The following FER variants were observed in gnomAD, a reference collection of about 807,000 sequenced individuals.
The protein encoded by FER is FER tyrosine kinase, also known as tyrosine-protein kinase Fer.
FER carries 63 observed loss-of-function variants against 111.0 expected under a neutral mutation model. The observed-to-expected ratio is 0.57, with a 90% CI of 0.46 to 0.70. The LOEUF (loss-of-function observed/expected upper bound fraction) is 0.70, where lower values mean the gene tolerates loss of function less well. FER is among the 30% of genes least tolerant of loss of function. FER has a pLI of 0.00. For missense variants in FER, 914 were observed against 954.0 expected, an observed-to-expected ratio of 0.96 and a Z score of 0.55; for synonymous variants, 327 against 313.9, an observed-to-expected ratio of 1.04 and a Z score of -0.44.
At chr5:109,011,016 A>C (rs79833776) in intron 13 of FER, among the ~76,000 whole-genome samples, 6,940 of 152,322 alleles carry the variant, frequency 0.046, 251 homozygotes, top group South Asian at 0.11. Flanking sequence ...TCAGATGTAC[A>C]CAGTATTAAG....
At position 109,160,878 on chromosome 5, in the gene FER, C is replaced by T. The variant is rs561588859; in HGVS notation, c.2049-19869C>T. Among the ~76,000 whole-genome samples, 304 of 152,290 alleles carry T rather than the reference C, an allele frequency of 2.0e-3. 2 individuals are homozygous for T. The highest frequency in any genetic ancestry group is 6.6e-3 in the African/African-American group (276 of 41,588). ...TGAAAATAGACCTCTAGTACCTGAA[C>T]TTTCTCTTGGGAATCTGAAAGACTG... On this transcript the variant is annotated intron_variant, in intron 17 of 19. Coordinates refer to ENST00000281092, the MANE Select transcript of FER (RefSeq NM_005246.4).
intron 13 of FER, among the ~76,000 whole-genome samples, chr5:108,996,947 G>T (rs1764064383): frequency 6.6e-6 from 1 of 152,028 alleles, no homozygotes; most frequent in East Asian, 1.9e-4. Flanking sequence ...TTGTACAGTG[G>T]TTTGTAGTTC....
At chr5:109,024,430 G>A (rs1203540815) in intron 13 of FER, among the ~76,000 whole-genome samples, 2 of 152,118 alleles carry the variant, frequency 1.3e-5, no homozygotes, top group African/African-American at 4.8e-5. Flanking sequence ...AAAGAAAGCA[G>A]TGGAGAGAGG....
At chr5:108,879,677 T>C (rs945855613) in intron 8 of FER, among the ~76,000 whole-genome samples, 7 of 128,416 alleles carry the variant, frequency 5.5e-5, no homozygotes, top group East Asian at 2.0e-4. Context: ...TTTCACCATA[T>C]GTATTTTTTT....
chr5:108,755,932 A>G (rs866436060), intron 1 of FER, among the ~76,000 whole-genome samples: 97 of 150,374 alleles, frequency 6.5e-4, no homozygotes, highest in African/African-American at 2.2e-3. Flanking sequence ...TGGGTGGATC[A>G]CCTGAGGTCA....
At chr5:109,027,834 T>G (rs1396391223) in intron 13 of FER, among the ~76,000 whole-genome samples, 1 of 152,220 alleles carries the variant, frequency 6.6e-6, no homozygotes, top group East Asian at 1.9e-4. Context: ...TGAGGCAAAA[T>G]TCTAAGATTT....
In FER at chr5:109,107,318, A is replaced by G. The variant is rs115070019; in HGVS notation, c.2048+6799A>G. ...GATTACAAGGAACAGAAACTAAGCC[A>G]TAGGAGTTTTTCTTTTAACTTTTAT... On this transcript the variant is annotated intron_variant, in intron 17 of 19. Coordinates refer to ENST00000281092, the MANE Select transcript of FER (RefSeq NM_005246.4). Among the ~76,000 whole-genome samples, 424 of 152,264 alleles carry G rather than the reference A, an allele frequency of 2.8e-3. 3 individuals carry two copies. Among genetic ancestry groups the G allele is most frequent in the African/African-American group, 9.5e-3 (396 of 41,572 alleles).
At chr5:109,151,851 T>C (rs1016902182) in intron 17 of FER, among the ~76,000 whole-genome samples, 2 of 152,128 alleles carry the variant, frequency 1.3e-5, no homozygotes, top group Non-Finnish European at 1.5e-5. Flanking sequence ...AAATTCTGTC[T>C]CATAACTCGC....
At chr5:109,042,765 T>C (rs1474244796) in intron 14 of FER, among the ~76,000 whole-genome samples, 1 of 152,030 alleles carries the variant, frequency 6.6e-6, no homozygotes, top group Non-Finnish European at 1.5e-5. Flanking sequence ...CAGCTTCTGA[T>C]TGGAGGTGGG....
At chr5:108,865,549 A>G (rs576638209) in intron 5 of FER, among the ~76,000 whole-genome samples, 8 of 152,332 alleles carry the variant, frequency 5.3e-5, no homozygotes, top group East Asian at 1.9e-4. Flanking sequence ...CTAAAACACC[A>G]AAAGCAATGG....
chr5:108,849,350 CT>C (rs1049996161), intron 5 of FER, among the ~76,000 whole-genome samples: 9 of 151,786 alleles, frequency 5.9e-5, no homozygotes, highest in Admixed American at 2.0e-4. Flanking sequence ...TTCCCCTTGT[CT>C]TTTTTTTGTT....
At chr5:109,016,767 A>C (rs1309527323) in intron 13 of FER, among the ~76,000 whole-genome samples, 3 of 152,046 alleles carry the variant, frequency 2.0e-5, no homozygotes, top group Non-Finnish European at 4.4e-5. Flanking sequence ...GTTTTTTATT[A>C]TGTGCTATGC....
At chr5:108,992,566 C>CA (rs1185582332) in intron 13 of FER, among the ~76,000 whole-genome samples, 2 of 151,146 alleles carry the variant, frequency 1.3e-5, no homozygotes, top group Non-Finnish European at 3.0e-5. Flanking sequence ...CCTCACTTCC[C>CA]AGTAGGGGTG....
intron 13 of FER, among the ~76,000 whole-genome samples, chr5:108,986,698 A>G (rs1282830784): frequency 1.3e-5 from 2 of 152,194 alleles, no homozygotes; most frequent in Non-Finnish European, 2.9e-5. Context: ...TTTGTTGAAT[A>G]GGGTGTACTT....
At chr5:108,894,846 C>T (rs966921233) in intron 9 of FER, among the ~76,000 whole-genome samples, 4 of 151,974 alleles carry the variant, frequency 2.6e-5, no homozygotes, top group South Asian at 2.1e-4. Context: ...CACGTACTGC[C>T]GCGAGAACAG....
chr5:108,873,425 G>A (rs867406085), intron 8 of FER, among the ~76,000 whole-genome samples: 4 of 152,184 alleles, frequency 2.6e-5, no homozygotes, highest in Non-Finnish European at 4.4e-5. Context: ...GATTACAGGC[G>A]TGAGCCACTG....
intron 2 of FER, among the ~76,000 whole-genome samples, chr5:108,783,002 T>C (rs1754268792): frequency 6.6e-6 from 1 of 152,248 alleles, no homozygotes; most frequent in Non-Finnish European, 1.5e-5. Flanking sequence ...GTACACTGTC[T>C]TGATTTCTGT....
chr5:109,164,444 G>A (rs2126760130), intron 17 of FER, among the ~76,000 whole-genome samples: 1 of 152,222 alleles, frequency 6.6e-6, no homozygotes, highest in East Asian at 1.9e-4. Context: ...TGCTTCTAAT[G>A]CTGCCTACTC....
At chr5:108,959,003 A>G (rs1758796728) in intron 12 of FER, among the ~76,000 whole-genome samples, 3 of 151,826 alleles carry the variant, frequency 2.0e-5, no homozygotes, top group South Asian at 2.1e-4. Flanking sequence ...AAATTGATTT[A>G]TCTGTCACAA....
Sources: allele counts gnomAD v4.1 joint callset (sites outside exome capture counted in the v4.1 genomes callset), GRCh38; gene constraint gnomAD v4.1.1; transcripts MANE v1.5; gene names NCBI Gene and HGNC (gene_info 2026-07-23, HGNC 2026-07-21).